The following MLF1 variants were observed in gnomAD, a reference collection of about 807,000 sequenced individuals.
MLF1 encodes myelodysplasia-myeloid leukemia factor 1.
Under a neutral mutation model 38.3 loss-of-function variants are expected in MLF1, and 37 were observed. The ratio of observed to expected loss-of-function variants is 0.96; its 90% CI spans 0.74 to 1.27. The LOEUF (loss-of-function observed/expected upper bound fraction) is 1.27, where lower values mean the gene tolerates loss of function less well. MLF1 is among the 50% of genes most tolerant of loss of function. The pLI is 0.00. For missense variants in MLF1, 331 were observed against 349.2 expected (o/e 0.95, Z 0.42); for synonymous variants, 95 against 106.5 (o/e 0.89, Z 0.66).
intron 1 of MLF1, among the ~76,000 whole-genome samples, chr3:158,584,549 T>G (rs1270792467): frequency 1.3e-5 from 2 of 152,032 alleles, no homozygotes; most frequent in African/African-American, 4.8e-5. Flanking sequence ...GACACATATG[T>G]TAGAATTAAA....
intron 1 of MLF1, among the ~76,000 whole-genome samples, chr3:158,577,891 A>AT (rs1197611805): frequency 6.6e-6 from 1 of 152,148 alleles, no homozygotes; most frequent in East Asian, 1.9e-4. Flanking sequence ...CATTTCCACA[A>AT]TTTTTTTGAT....
chr3:158,592,381 T>C, intron 1 of MLF1, 53 bp from the exon 2 acceptor site: 2 of 1,497,858 alleles, frequency 1.3e-6, no homozygotes, highest in Non-Finnish European at 1.8e-6. Context: ...CCTGCCTACT[T>C]ACTATTTAAA....
chr3:158,600,183 C>T lies in MLF1; in HGVS notation c.613+10C>T. The T allele has an allele frequency of 7.2e-7, 1 of 1,388,780 alleles. No individual in the cohort carries two copies. Among genetic ancestry groups the T allele is most frequent in the Non-Finnish European group, 9.4e-7 (1 of 1,060,208 alleles). The allele number at this position is 1,388,780 out of a possible 1,614,324, so 86.0% of individuals were successfully genotyped here. On this transcript the variant is annotated intron_variant, in intron 6 of 7. Coordinates refer to ENST00000466246, the MANE Select transcript of MLF1 (RefSeq NM_001369783.1). ...ATCAATATGAATGAAAGTAAGTTATCACAAAAAAATAATATTCTTTCTTAT... is the reference window on the plus strand; with the variant it reads ...ATCAATATGAATGAAAGTAAGTTATTACAAAAAAATAATATTCTTTCTTAT...
chr3:158,583,938 G>A (rs1015650920), intron 1 of MLF1, among the ~76,000 whole-genome samples: 10 of 152,114 alleles, frequency 6.6e-5, no homozygotes, highest in Admixed American at 6.6e-4. Context: ...CAACTCTCTT[G>A]CAGATAACTT....
intron 1 of MLF1, among the ~76,000 whole-genome samples, chr3:158,574,566 C>T (rs1460019066): frequency 6.7e-6 from 1 of 149,978 alleles, no homozygotes; most frequent in Non-Finnish European, 1.5e-5. Context: ...CACCTATACT[C>T]CCAACTACTT....
intron 3 of MLF1, among the ~76,000 whole-genome samples, chr3:158,596,577 T>C (rs557446695): frequency 6.6e-6 from 1 of 152,290 alleles, no homozygotes; most frequent in African/African-American, 2.4e-5. Flanking sequence ...TAATGAGTGA[T>C]TAGGTGTGTA....
At chr3:158,591,235 C>G (rs1718090203) in intron 1 of MLF1, 1 of 427,024 alleles carries the variant, frequency 2.3e-6, no homozygotes, top group Admixed American at 2.8e-5. Context: ...TCTTGGCTCA[C>G]TGCAACTTCT....
chr3:158,596,812 C>A, intron 3 of MLF1, 50 bp from the exon 4 acceptor site: 1 of 1,235,102 alleles, frequency 8.1e-7, no homozygotes, highest in Middle Eastern at 2.0e-4. Flanking sequence ...GTATTTGCAT[C>A]TTTTGTGTTG....
At chr3:158,598,946 T>A (rs1719318417) in intron 5 of MLF1, among the ~76,000 whole-genome samples, 1 of 152,222 alleles carries the variant, frequency 6.6e-6, no homozygotes, top group South Asian at 2.1e-4. Context: ...CTCTGCAACT[T>A]GTCTTTGCTG....
At chr3:158,591,502 T>C (rs1049988082) in intron 1 of MLF1, among the ~76,000 whole-genome samples, 5 of 152,032 alleles carry the variant, frequency 3.3e-5, no homozygotes, top group African/African-American at 1.2e-4. Context: ...TATGATGACA[T>C]CAGAGGATTG....
chr3:158,589,140 C>T (rs974677729), intron 1 of MLF1, among the ~76,000 whole-genome samples: 7 of 151,942 alleles, frequency 4.6e-5, no homozygotes, highest in African/African-American at 1.7e-4. Flanking sequence ...GGTAGGGGGA[C>T]CATCTGATAT....
chr3:158,592,703 A>G, intron 2 of MLF1, 122 bp downstream of exon 2: 2 of 801,818 alleles, frequency 2.5e-6, no homozygotes, highest in Non-Finnish European at 1.8e-6. Context: ...AGAAATCACT[A>G]TTATATAAAA....
intron 1 of MLF1, among the ~76,000 whole-genome samples, chr3:158,575,469 G>A (rs1620229): frequency 0.66 from 99,769 of 151,918 alleles, 33,336 homozygotes; most frequent in African/African-American, 0.75. Context: ...TGTTTATTTC[G>A]GGTAATCTAT....
chr3:158,595,383 T>C (rs1256550943), intron 3 of MLF1, among the ~76,000 whole-genome samples: 2 of 152,176 alleles, frequency 1.3e-5, no homozygotes, highest in East Asian at 3.8e-4. Context: ...TTTTTGTCAC[T>C]CCAGTGTGTT....
chr3:158,571,260 C>A lies in MLF1; in HGVS notation c.-41C>A. 2.0e-6 allele frequency: 3 copies of A among 1,528,658 alleles called. No homozygotes were observed. The highest frequency in any genetic ancestry group is 2.7e-6 in the Non-Finnish European group (3 of 1,105,438). 94.7% of individuals were successfully genotyped at this position (1,528,658 alleles called of 1,614,324 possible). A position where few individuals can be genotyped will look rare whatever the true frequency, so the allele number is the denominator to read the frequency against. The stretch of plus-strand genomic sequence containing the variant: ...GCCGCGGCGAGTTAACATCGTTTTT[C>A]CAATCTGTCCGCGGCTGCCGCCACC... On this transcript the variant is annotated 5_prime_UTR_variant, in exon 1 of 8. Transcript: ENST00000466246.
At chr3:158,598,342 G>A in intron 5 of MLF1, 134 bp downstream of exon 5, 1 of 853,472 alleles carries the variant, frequency 1.2e-6, no homozygotes, top group Admixed American at 3.2e-5. Context: ...GGGGGTTGGG[G>A]GTAAGGTAGT....
chr3:158,584,023 T>C (rs1315395555), intron 1 of MLF1, among the ~76,000 whole-genome samples: 4 of 152,194 alleles, frequency 2.6e-5, no homozygotes, highest in Admixed American at 6.5e-5. Flanking sequence ...AGATATATGC[T>C]GGAGAGGTCT....
chr3:158,605,827 A>G lies in MLF1; in HGVS notation c.*625A>G, dbSNP rs1051072581. 5 of 179,226 alleles carry G rather than the reference A, an allele frequency of 2.8e-5. No homozygotes were observed. The highest frequency in any genetic ancestry group is 6.0e-5 in the Non-Finnish European group (5 of 83,554). 11.1% of individuals were successfully genotyped at this position (179,226 alleles called of 1,614,324 possible). On this transcript the variant is annotated 3_prime_UTR_variant, in exon 8 of 8. Coordinates refer to ENST00000466246, the MANE Select transcript of MLF1 (RefSeq NM_001369783.1). ...GCTAATGTACATGATTGTTTTGGTT[A>G]TAATTTATTTATAGAATGTATCTTT...
chr3:158,592,019 G>A (rs554326803), intron 1 of MLF1, among the ~76,000 whole-genome samples: 8 of 152,178 alleles, frequency 5.3e-5, no homozygotes, highest in South Asian at 2.1e-4. Flanking sequence ...TTAACCTACC[G>A]AGTATCATCA....
Sources: gnomAD v4.1 joint callset for allele counts (sites outside exome capture counted in the v4.1 genomes callset) on GRCh38, gnomAD v4.1.1 for gene constraint, MANE v1.5 for transcripts, NCBI Gene and HGNC (gene_info 2026-07-23, HGNC 2026-07-21) for gene names.